KCNH5: variants seen among roughly 807,000 people sequenced by gnomAD.
KCNH5 encodes the protein potassium voltage-gated channel subfamily H member 5.
In KCNH5, 46 loss-of-function variants were observed where a neutral mutation model predicts 96.1. The observed-to-expected ratio is 0.48, with a 90% confidence interval of 0.38 to 0.61. KCNH5 has a LOEUF of 0.61. KCNH5 is among the 20% of genes least tolerant of loss of function. KCNH5 has a pLI of 0.00. For synonymous variants in KCNH5, 439 were observed against 449.8 expected (o/e 0.98, Z 0.30); for missense variants, 907 against 1,225.8 (o/e 0.74, Z 3.88).
intron 7 of KCNH5, among the ~76,000 whole-genome samples, chr14:62,927,151 A>G (rs1595687724): frequency 1.3e-5 from 2 of 152,282 alleles, no homozygotes; most frequent in African/African-American, 4.8e-5. Context: ...CAGATGTCCA[A>G]CATCAATAAT....
At chr14:62,878,701 C>A (rs939838699) in intron 7 of KCNH5, among the ~76,000 whole-genome samples, 6 of 152,106 alleles carry the variant, frequency 3.9e-5, no homozygotes, top group African/African-American at 1.4e-4. Flanking sequence ...TAACAAAGTA[C>A]CAAGACTGGG....
intron 7 of KCNH5, among the ~76,000 whole-genome samples, chr14:62,937,063 A>G (rs1889698836): frequency 6.6e-6 from 1 of 151,942 alleles, no homozygotes; most frequent in Non-Finnish European, 1.5e-5. Context: ...ATCAAGCTAC[A>G]GCACAAATCT....
chr14:62,706,111 T>C lies in KCNH5; in HGVS notation c.*1397A>G, dbSNP rs1200905441. The C allele has an allele frequency of 2.0e-5, 3 of 152,118 alleles. No homozygotes were observed. Among genetic ancestry groups the C allele is most frequent in the South Asian group, 2.1e-4 (1 of 4,836 alleles). The allele number at this position is 152,118 out of a possible 1,614,324, so 9.4% of individuals were successfully genotyped here. On this transcript the variant is annotated 3_prime_UTR_variant, in exon 11 of 11. Coordinates refer to ENST00000322893, the MANE Select transcript of KCNH5 (RefSeq NM_139318.5). ...TCCTTATCATTTAAGGGACTAGCTA[T>C]ATACAGGACAACTCTTTGTGACTTT...
At chr14:62,985,666 T>C (rs1890689742) in intron 5 of KCNH5, among the ~76,000 whole-genome samples, 1 of 152,154 alleles carries the variant, frequency 6.6e-6, no homozygotes, top group Non-Finnish European at 1.5e-5. Flanking sequence ...CAGAGTTCTG[T>C]CCTCATTTTT....
chr14:62,748,891 T>C (rs1196846969), intron 10 of KCNH5, among the ~76,000 whole-genome samples: 1 of 152,188 alleles, frequency 6.6e-6, no homozygotes, highest in East Asian at 1.9e-4. Context: ...AGTAAAATCA[T>C]TCCCAAGTAA....
chr14:62,779,813 G>T lies in KCNH5; in HGVS notation c.1934C>A (p.Ala645Asp). 1 of 1,613,996 alleles carries T rather than the reference G, an allele frequency of 6.2e-7. No homozygotes were observed. The highest frequency in any genetic ancestry group is 1.3e-5 in the African/African-American group (1 of 75,028). ...ATAAAAGTCCAGGACTTTGAGCAAG[G>T]CTTCCCGCTTGATGATGTGTAGGTC... ...YCDLHIIKRE[A>D]LLKVLDFYTA... Residue 645 changes from alanine (A) to aspartate (D), a missense_variant, in exon 10 of 11, where the codon GCC becomes GAC. Physicochemically the swap from Ala to Asp is moderately radical, Grantham distance 126. Coordinates refer to ENST00000322893, the MANE Select transcript of KCNH5 (RefSeq NM_139318.5).
chr14:62,972,788 T>C lies in KCNH5; in HGVS notation c.942+8084A>G, dbSNP rs559127187. On this transcript the variant is annotated intron_variant, in intron 6 of 10. Transcript: ENST00000322893. ...GCTACAAACTATCTGATTCTAACTA[T>C]ATGACACTTAGAGAAGGCAAAACTA... Among the ~76,000 whole-genome samples, 63 of 152,248 alleles carry C rather than the reference T, an allele frequency of 4.1e-4. 1 individual carries two copies. The highest frequency in any genetic ancestry group is 3.9e-4 in the East Asian group (2 of 5,168).
chr14:62,929,902 G>T (rs1327857749), intron 7 of KCNH5, among the ~76,000 whole-genome samples: 1 of 151,962 alleles, frequency 6.6e-6, no homozygotes, highest in African/African-American at 2.4e-5. Context: ...TTCTGTTTCT[G>T]CAGTAATTCA....
At chr14:62,881,070 A>G (rs1310227104) in intron 7 of KCNH5, among the ~76,000 whole-genome samples, 2 of 152,204 alleles carry the variant, frequency 1.3e-5, no homozygotes, top group Non-Finnish European at 2.9e-5. Context: ...TCAACATTCC[A>G]TGGAAACATC....
intron 10 of KCNH5, among the ~76,000 whole-genome samples, chr14:62,752,938 T>G (rs1018028992): frequency 6.6e-6 from 1 of 152,186 alleles, no homozygotes; most frequent in South Asian, 2.1e-4. Context: ...TTACCCAGTC[T>G]CAGATAGTAT....
chr14:62,825,028 C>A (rs751645102), intron 8 of KCNH5, among the ~76,000 whole-genome samples: 2 of 151,976 alleles, frequency 1.3e-5, no homozygotes, highest in African/African-American at 4.8e-5. Context: ...TTAGGTTGAT[C>A]CCATGTCTTT....
At chr14:62,861,029 C>T (rs1252382108) in intron 7 of KCNH5, among the ~76,000 whole-genome samples, 1 of 152,128 alleles carries the variant, frequency 6.6e-6, no homozygotes, top group Non-Finnish European at 1.5e-5. Context: ...AAAATGAAGC[C>T]TTTTTTGTGA....
chr14:62,931,488 A>G (rs1031240709), intron 7 of KCNH5, among the ~76,000 whole-genome samples: 2 of 152,218 alleles, frequency 1.3e-5, no homozygotes, highest in Non-Finnish European at 2.9e-5. Flanking sequence ...GCGTAAAGCC[A>G]TAAAGCCACA....
chr14:62,955,022 C>T (rs1337219118), intron 6 of KCNH5, among the ~76,000 whole-genome samples: 1 of 150,802 alleles, frequency 6.6e-6, no homozygotes, highest in Non-Finnish European at 1.5e-5. Context: ...GGGAAACAGC[C>T]AAACCATATC....
chr14:63,024,834 C>T (rs142300339), intron 1 of KCNH5, among the ~76,000 whole-genome samples: 1 of 152,200 alleles, frequency 6.6e-6, no homozygotes, highest in East Asian at 1.9e-4. Flanking sequence ...CTAATTCAAT[C>T]TTTCTCAAAC....
chr14:62,730,601 T>C (rs1436768035), intron 10 of KCNH5, among the ~76,000 whole-genome samples: 2 of 152,260 alleles, frequency 1.3e-5, no homozygotes, highest in Non-Finnish European at 2.9e-5. Context: ...GATTCTTTTA[T>C]CTTGTTTGAT....
intron 10 of KCNH5, among the ~76,000 whole-genome samples, chr14:62,761,747 A>C (rs1262353648): frequency 6.6e-6 from 1 of 152,210 alleles, no homozygotes; most frequent in East Asian, 1.9e-4. Flanking sequence ...GAGCCATAAA[A>C]TGTGGTATAG....
chr14:62,859,131 T>G (rs781620697), intron 7 of KCNH5, among the ~76,000 whole-genome samples: 25 of 152,140 alleles, frequency 1.6e-4, no homozygotes, highest in Non-Finnish European at 2.1e-4. Context: ...AAGTGTCTAT[T>G]CCAGTGAGGA....
chr14:62,828,844 CA>C, intron 8 of KCNH5, among the ~76,000 whole-genome samples: 1 of 152,092 alleles, frequency 6.6e-6, no homozygotes. Flanking sequence ...AGCATTAACC[CA>C]AAAACCCAAG....
Sources: allele counts gnomAD v4.1 joint callset (sites outside exome capture counted in the v4.1 genomes callset), GRCh38; gene constraint gnomAD v4.1.1; transcripts MANE v1.5; gene names NCBI Gene and HGNC (gene_info 2026-07-23, HGNC 2026-07-21).